COPS2: variants seen among roughly 807,000 people sequenced by gnomAD.
COPS2 encodes COP9 signalosome subunit 2.
COPS2 carries 10 observed loss-of-function variants against 66.1 expected under a neutral mutation model. That is an observed-to-expected ratio of 0.15 (90% CI 0.09 to 0.26). The LOEUF (loss-of-function observed/expected upper bound fraction) is 0.26, where lower values mean the gene tolerates loss of function less well. COPS2 is among the 10% of genes least tolerant of loss of function. The pLI is 1.00. For synonymous variants in COPS2, 179 were observed against 171.3 expected (o/e 1.04, Z -0.35); for missense variants, 215 against 513.3 (o/e 0.42, Z 5.62).
At chr15:49,143,305 G>A (rs1239913898) in intron 3 of COPS2, among the ~76,000 whole-genome samples, 2 of 152,130 alleles carry the variant, frequency 1.3e-5, no homozygotes, top group African/African-American at 2.4e-5. Context: ...TAAGGGAGAT[G>A]GGGACCACTA....
intron 1 of COPS2, among the ~76,000 whole-genome samples, chr15:49,147,030 T>C (rs989874426): frequency 6.6e-6 from 1 of 152,132 alleles, no homozygotes; most frequent in African/African-American, 2.4e-5. Flanking sequence ...AACTACTGCT[T>C]ATCATTTCAG....
At chr15:49,133,530 G>GAC (rs1287212305) in intron 9 of COPS2, among the ~76,000 whole-genome samples, 1 of 147,974 alleles carries the variant, frequency 6.8e-6, no homozygotes, top group Non-Finnish European at 1.5e-5. Flanking sequence ...CAGACAGACA[G>GAC]ACACACACAC....
intron 1 of COPS2, among the ~76,000 whole-genome samples, chr15:49,148,438 C>T (rs1472367144): frequency 6.6e-6 from 1 of 152,090 alleles, no homozygotes; most frequent in African/African-American, 2.4e-5. Flanking sequence ...TAGGAATCGC[C>T]AGCAATGAGG....
chr15:49,139,741 A>ATTTCATTATGTAG, intron 3 of COPS2, 88 bp from the exon 4 acceptor site: 4 of 952,000 alleles, frequency 4.2e-6, no homozygotes, highest in Non-Finnish European at 4.7e-6. Context: ...ACACTACTAC[A>ATTTCATTATGTAG]TAATGAAATG....
chr15:49,136,820 CTACAAAAAAA>C (rs2084255748), intron 6 of COPS2, among the ~76,000 whole-genome samples: 1 of 151,800 alleles, frequency 6.6e-6, no homozygotes, highest in Non-Finnish European at 1.5e-5. Context: ...AACCCCACCT[CTACAAAAAAA>C]TACAAAAAAT....
intron 6 of COPS2, among the ~76,000 whole-genome samples, chr15:49,134,846 C>G (rs2084239219): frequency 6.6e-6 from 1 of 151,948 alleles, no homozygotes; most frequent in Non-Finnish European, 1.5e-5. Context: ...ATAGTAAGTC[C>G]TCGTTTAACA....
intron 1 of COPS2, 65 bp downstream of exon 1, chr15:49,155,460 C>T: frequency 6.5e-7 from 1 of 1,529,932 alleles, no homozygotes; most frequent in South Asian, 1.1e-5. Flanking sequence ...GCCGCGGGCG[C>T]CCCGGCCCGG....
At chr15:49,146,007 T>C (rs2084318640) in intron 1 of COPS2, among the ~76,000 whole-genome samples, 1 of 152,200 alleles carries the variant, frequency 6.6e-6, no homozygotes, top group Non-Finnish European at 1.5e-5. Flanking sequence ...AATAGTTTTA[T>C]AGTTATTTCT....
chr15:49,138,828 T>C (rs2084270840), intron 4 of COPS2, among the ~76,000 whole-genome samples: 1 of 152,188 alleles, frequency 6.6e-6, no homozygotes, highest in Non-Finnish European at 1.5e-5. Flanking sequence ...ACATAGAGAC[T>C]ATATCTTGTA....
intron 3 of COPS2, 141 bp downstream of exon 3, chr15:49,144,086 T>C (rs1194726261): frequency 3.1e-6 from 2 of 652,570 alleles, no homozygotes; most frequent in East Asian, 2.8e-5. Flanking sequence ...AGTATTACTA[T>C]AGTCCCAACT....
chr15:49,142,170 G>C (rs1390048955), intron 3 of COPS2, among the ~76,000 whole-genome samples: 1 of 152,226 alleles, frequency 6.6e-6, no homozygotes, highest in African/African-American at 2.4e-5. Flanking sequence ...GAAATGTTTT[G>C]AGAGTATCAA....
At chr15:49,152,833 G>T (rs896908726) in intron 1 of COPS2, among the ~76,000 whole-genome samples, 2 of 151,972 alleles carry the variant, frequency 1.3e-5, no homozygotes, top group African/African-American at 4.8e-5. Context: ...AAAAAAAAAA[G>T]TTAAAGCAAT....
chr15:49,136,224 T>C (rs1275741343), intron 6 of COPS2, among the ~76,000 whole-genome samples: 2 of 152,166 alleles, frequency 1.3e-5, no homozygotes, highest in Admixed American at 1.3e-4. Flanking sequence ...TACGTGGCAT[T>C]GGAAGAGTTT....
Position 49,128,069 on chromosome 15 carries a change from C to G in COPS2, c.1213G>C (p.Val405Leu), listed in dbSNP as rs746513462. The G allele has an allele frequency of 6.2e-7, 1 of 1,613,754 alleles. No individual in the cohort carries two copies. Among genetic ancestry groups the G allele is most frequent in the South Asian group, 1.1e-5 (1 of 91,044 alleles). ...TGATCCAGTTCAAGGAGTTGGTTGA[C>G]TTGATCAATTCGGCCATGAATAGTG... ...DNTIHGRIDQVNQLLELDHQK... is the reference protein window; with the variant it reads ...DNTIHGRIDQLNQLLELDHQK... The change falls in exon 13 of 13, where the codon GTC becomes CTC. Residue 405 changes from valine to leucine, a missense_variant. Val to Leu is a conservative substitution (Grantham distance 32). Around this residue, in one of 5 missense-constraint regions of COPS2, gnomAD observed 42 missense variants for 55.9 expected, o/e 0.75. Transcript: ENST00000388901.
At position 49,130,831 on chromosome 15, in the gene COPS2, A is replaced by G; in HGVS notation, c.948-15T>C. On this transcript the variant is annotated splice_polypyrimidine_tract_variant and intron_variant, in intron 9 of 12. Transcript: ENST00000388901. Reference sequence around the variant, plus strand: ...TCTGATAGGCACTAATAGAAAAACAAAGTGTAAATTATGTCAAACATGAAG... The same window carrying G: ...TCTGATAGGCACTAATAGAAAAACAGAGTGTAAATTATGTCAAACATGAAG... 7.3e-7 allele frequency: 1 copy of G among 1,374,716 alleles called. No individual in the cohort carries two copies. Among genetic ancestry groups the G allele is most frequent in the Non-Finnish European group, 1.0e-6 (1 of 965,800 alleles). 85.2% of individuals were successfully genotyped at this position (1,374,716 alleles called of 1,614,324 possible).
At chr15:49,135,872 T>TA (rs1354843197) in intron 6 of COPS2, among the ~76,000 whole-genome samples, 1 of 152,238 alleles carries the variant, frequency 6.6e-6, no homozygotes, top group Non-Finnish European at 1.5e-5. Flanking sequence ...ATAGCATTTT[T>TA]ATGTTCTTAA....
rs940179502 is a variant in COPS2, at chr15:49,126,333, ATTTT to A, written c.*1613_*1616del. The A allele has an allele frequency of 6.6e-6, 1 of 152,416 alleles. No individual in the cohort carries two copies. The highest frequency in any genetic ancestry group is 1.5e-5 in the Non-Finnish European group (1 of 67,924). 9.4% of individuals were successfully genotyped at this position (152,416 alleles called of 1,614,324 possible). A position where few individuals can be genotyped will look rare whatever the true frequency, so the allele number is the denominator to read the frequency against. ...GCTTTTCTAAATCTAAGGATTATAT[ATTTT>A]TAGTATAAATATATATCACATATTT... On this transcript the variant is annotated 3_prime_UTR_variant, in exon 13 of 13. Transcript: ENST00000388901.
intron 1 of COPS2, among the ~76,000 whole-genome samples, chr15:49,151,969 G>A (rs2084365029): frequency 6.6e-6 from 1 of 151,956 alleles, no homozygotes; most frequent in Admixed American, 6.6e-5. Flanking sequence ...GAAGAACAAA[G>A]TGATTTAGGG....
At chr15:49,131,526 G>T (rs600863) in intron 9 of COPS2, among the ~76,000 whole-genome samples, 51,325 of 151,406 alleles carry the variant, frequency 0.34, 9,303 homozygotes, top group East Asian at 0.58. Flanking sequence ...TGCTTTATAC[G>T]TAAGACATTA....
Sources: gnomAD v4.1 joint callset for allele counts (sites outside exome capture counted in the v4.1 genomes callset) on GRCh38, gnomAD v4.1.1 for gene constraint, gnomAD v4.1.1 regional missense constraint, MANE v1.5 for transcripts, NCBI Gene and HGNC (gene_info 2026-07-23, HGNC 2026-07-21) for gene names.